The following CAST variants were observed in gnomAD, a reference collection of about 807,000 sequenced individuals.
CAST encodes the protein calpastatin.
CAST carries 76 observed loss-of-function variants against 119.6 expected under a neutral mutation model. The observed-to-expected ratio is 0.64, with a 90% CI of 0.53 to 0.77. The LOEUF (loss-of-function observed/expected upper bound fraction) is 0.77, where lower values mean the gene tolerates loss of function less well. CAST is among the 30% of genes least tolerant of loss of function. The pLI is 0.00. For synonymous variants in CAST, 319 were observed against 331.6 expected, an observed-to-expected ratio of 0.96 and a Z score of 0.41; for missense variants, 953 against 946.5, an observed-to-expected ratio of 1.01 and a Z score of -0.09.
the CAST span, among the ~76,000 whole-genome samples, chr5:95,984,574 C>A: frequency 6.6e-6 from 1 of 152,122 alleles, no homozygotes. Flanking sequence ...TCTGAGAAAT[C>A]CAAGTAGATT....
chr5:96,259,954 C>T, the CAST span, among the ~76,000 whole-genome samples: 3 of 150,658 alleles, frequency 2.0e-5, no homozygotes, highest in African/African-American at 7.3e-5. Flanking sequence ...TGCGTGAATA[C>T]TTTTAAGAAG....
At chr5:96,619,341 C>A (rs532751292) in intron 1 of CAST, among the ~76,000 whole-genome samples, 11 of 152,088 alleles carry the variant, frequency 7.2e-5, no homozygotes, top group Non-Finnish European at 1.6e-4. Flanking sequence ...GGATTGTAAA[C>A]ACACCAATCA....
chr5:96,743,779 C>T (rs1763181395), intron 16 of CAST: 1 of 1,331,450 alleles, frequency 7.5e-7, no homozygotes, highest in Non-Finnish European at 1.1e-6. Flanking sequence ...AACTTGATTA[C>T]AACACAATGT....
the CAST span, among the ~76,000 whole-genome samples, chr5:96,173,453 T>C: frequency 3.3e-5 from 5 of 152,348 alleles, no homozygotes; most frequent in Middle Eastern, 3.4e-3. Context: ...AGGAGCTTAA[T>C]TGAAACTTGA....
chr5:96,373,058 C>G, the CAST span, among the ~76,000 whole-genome samples: 1 of 152,148 alleles, frequency 6.6e-6, no homozygotes, highest in African/African-American at 2.4e-5. Flanking sequence ...TTAGCATCTA[C>G]TTGAATTCAA....
chr5:96,580,665 G>A (rs2150189121), intron 1 of CAST, among the ~76,000 whole-genome samples: 1 of 152,314 alleles, frequency 6.6e-6, no homozygotes, highest in Admixed American at 6.5e-5. Flanking sequence ...GAGTAGCAAG[G>A]CCCTGCCTTA....
chr5:96,560,425 C>A (rs1396698630), intron 1 of CAST, among the ~76,000 whole-genome samples: 8 of 151,454 alleles, frequency 5.3e-5, no homozygotes, highest in Non-Finnish European at 1.2e-4. Flanking sequence ...AGGCAACCTA[C>A]AAAATGGGAG....
chr5:96,016,186 C>T, the CAST span, among the ~76,000 whole-genome samples: 2 of 152,196 alleles, frequency 1.3e-5, no homozygotes, highest in Non-Finnish European at 2.9e-5. Context: ...ATTTGCTTTG[C>T]CAGCCTCACA....
At chr5:96,587,796 T>A (rs1411406547) in intron 1 of CAST, among the ~76,000 whole-genome samples, 4 of 152,214 alleles carry the variant, frequency 2.6e-5, no homozygotes, top group Non-Finnish European at 5.9e-5. Flanking sequence ...GGTAATAGTA[T>A]TCTTTATTTT....
At chr5:96,292,967 A>C in the CAST span, among the ~76,000 whole-genome samples, 1 of 152,332 alleles carries the variant, frequency 6.6e-6, no homozygotes, top group Admixed American at 6.5e-5. Flanking sequence ...AGTTCTCCAC[A>C]AATAGTTGTT....
the CAST span, among the ~76,000 whole-genome samples, chr5:96,343,447 T>C: frequency 3.3e-5 from 5 of 152,210 alleles, no homozygotes; most frequent in Non-Finnish European, 5.9e-5. Flanking sequence ...GAGAGGAGTT[T>C]AGTTTGAAAA....
At chr5:96,557,579 C>A (rs1165953123) in intron 1 of CAST, among the ~76,000 whole-genome samples, 3 of 152,116 alleles carry the variant, frequency 2.0e-5, no homozygotes, top group Admixed American at 6.5e-5. Context: ...ATAAAACAGA[C>A]TTTAAACCAA....
At position 96,593,705 on chromosome 5, in the gene CAST, A is replaced by C. The variant is rs144605804; in HGVS notation, c.60+63825A>C. 2.5e-3 allele frequency among the ~76,000 whole-genome samples: 386 copies of C among 152,320 alleles called. 3 individuals are homozygous for C. Among genetic ancestry groups the C allele is most frequent in the Non-Finnish European group, 3.5e-3 (241 of 68,028 alleles). On this transcript the variant is annotated intron_variant, in intron 1 of 11. Coordinates refer to the CAST transcript ENST00000505143. Reference sequence around the variant, plus strand: ...AATTAGTCATGAGAGTGAATGCTTCATGAATAGGATTAGTGCCTTATTAAA... The same window carrying C: ...AATTAGTCATGAGAGTGAATGCTTCCTGAATAGGATTAGTGCCTTATTAAA...
At chr5:96,531,721 T>C (rs1405963950) in intron 1 of CAST, among the ~76,000 whole-genome samples, 2 of 152,150 alleles carry the variant, frequency 1.3e-5, no homozygotes, top group African/African-American at 4.8e-5. Context: ...AAATTTAACA[T>C]ATGGAATAGA....
the CAST span, among the ~76,000 whole-genome samples, chr5:96,063,957 T>C: frequency 4.6e-5 from 7 of 152,258 alleles, no homozygotes; most frequent in Admixed American, 1.3e-4. Flanking sequence ...TTAGTGTACG[T>C]GAGACTGTGA....
chr5:96,065,817 G>A, the CAST span, among the ~76,000 whole-genome samples: 1 of 152,076 alleles, frequency 6.6e-6, no homozygotes, highest in African/African-American at 2.4e-5. Flanking sequence ...TAATTCTAGG[G>A]CAATTAACCC....
chr5:96,698,237 T>C (rs1057175753), intron 3 of CAST, among the ~76,000 whole-genome samples: 14 of 152,168 alleles, frequency 9.2e-5, no homozygotes, highest in African/African-American at 3.4e-4. Context: ...TTTTCTGAGA[T>C]GGGATAGTTA....
the CAST span, among the ~76,000 whole-genome samples, chr5:96,029,027 CT>C: frequency 6.6e-6 from 1 of 152,140 alleles, no homozygotes; most frequent in African/African-American, 2.4e-5. Context: ...CTCAACACTG[CT>C]GATTTGATGA....
At chr5:96,097,938 C>T in the CAST span, among the ~76,000 whole-genome samples, 4 of 152,176 alleles carry the variant, frequency 2.6e-5, no homozygotes, top group African/African-American at 9.6e-5. Flanking sequence ...CTAATTTACA[C>T]TCCCACCAAC....
Sources: allele counts gnomAD v4.1 joint callset (sites outside exome capture counted in the v4.1 genomes callset), GRCh38; gene constraint gnomAD v4.1.1; transcripts MANE v1.5; gene names NCBI Gene and HGNC (gene_info 2026-07-23, HGNC 2026-07-21).